Variants in ANKRD55 observed in about 807,000 individuals in gnomAD.
ANKRD55 encodes ankyrin repeat domain-containing protein 55.
Under a neutral mutation model 60.6 loss-of-function variants are expected in ANKRD55, and 41 were observed. The ratio of observed to expected loss-of-function variants is 0.68; its 90% CI spans 0.53 to 0.88. The LOEUF is 0.88. Among genes scored for constraint, ANKRD55 ranks in the 40% least tolerant of loss-of-function variants. The probability of loss-of-function intolerance (pLI) is 0.00; values close to 1 mark genes in which losing one functional copy is unlikely to be tolerated. For synonymous variants in ANKRD55, 264 were observed against 290.3 expected (o/e 0.91, Z 0.92); for missense variants, 732 against 767.6 (o/e 0.95, Z 0.55).
intron 2 of ANKRD55, among the ~76,000 whole-genome samples, chr5:56,224,566 A>G (rs1363468210): frequency 6.6e-6 from 1 of 152,176 alleles, no homozygotes; most frequent in Non-Finnish European, 1.5e-5. Context: ...TTTTGAAAAG[A>G]TCAACAAAAT....
At chr5:56,114,356 A>G (rs968040480) in intron 9 of ANKRD55, 1 of 152,468 alleles carries the variant, frequency 6.6e-6, no homozygotes, top group African/African-American at 2.4e-5. Context: ...AAATAAAATA[A>G]AACGAATACA....
At chr5:56,215,815 G>C (rs1057213383) in intron 2 of ANKRD55, among the ~76,000 whole-genome samples, 1 of 152,074 alleles carries the variant, frequency 6.6e-6, no homozygotes, top group African/African-American at 2.4e-5. Context: ...CACAGTGCCT[G>C]GTACATGGGA....
At chr5:56,119,715 A>G (rs1284794055) in intron 8 of ANKRD55, among the ~76,000 whole-genome samples, 3 of 152,138 alleles carry the variant, frequency 2.0e-5, no homozygotes, top group Admixed American at 2.0e-4. Context: ...GGAGTTCGAC[A>G]CCAGCCTGGG....
In ANKRD55 at chr5:56,132,545, C is replaced by T. The variant is rs561711654; in HGVS notation, c.613-5439G>A. Among the ~76,000 whole-genome samples the T allele has an allele frequency of 6.1e-5, 9 of 146,696 alleles. No individual in the cohort carries two copies. In the East Asian group the frequency reaches 8.0e-4, roughly 13 times the overall value. Reference sequence around the variant, plus strand: ...GGCGGAGCTTGCAGTGAGCAGAGATCGCGCCACTGCACTCCTGCCTGGGTG... The same window carrying T: ...GGCGGAGCTTGCAGTGAGCAGAGATTGCGCCACTGCACTCCTGCCTGGGTG... On this transcript the variant is annotated intron_variant, in intron 7 of 11. Coordinates refer to ENST00000341048, the MANE Select transcript of ANKRD55 (RefSeq NM_024669.3).
intron 5 of ANKRD55, among the ~76,000 whole-genome samples, chr5:56,160,528 C>T (rs1249583798): frequency 2.0e-5 from 3 of 152,190 alleles, no homozygotes; most frequent in Admixed American, 6.5e-5. Context: ...TGTGAGCCAC[C>T]GTGCCCGGCC....
At chr5:56,122,372 C>T (rs116440291) in intron 8 of ANKRD55, among the ~76,000 whole-genome samples, 2,076 of 152,198 alleles carry the variant, frequency 0.014, 39 homozygotes, top group Admixed American at 0.04. Context: ...TAAACTAGGC[C>T]AGGCACGGTG....
At chr5:56,218,881 C>A (rs951879586) in intron 2 of ANKRD55, among the ~76,000 whole-genome samples, 7 of 151,922 alleles carry the variant, frequency 4.6e-5, no homozygotes, top group African/African-American at 1.7e-4. Context: ...GCAAACGGGG[C>A]AAAATGTTAA....
intron 6 of ANKRD55, among the ~76,000 whole-genome samples, chr5:56,152,961 A>C (rs1452574554): frequency 1.3e-5 from 2 of 152,210 alleles, no homozygotes; most frequent in African/African-American, 4.8e-5. Flanking sequence ...TCAGATTTTT[A>C]CATTTCTGAA....
chr5:56,227,450 C>T (rs1249641163), intron 2 of ANKRD55, among the ~76,000 whole-genome samples: 1 of 152,048 alleles, frequency 6.6e-6, no homozygotes, highest in Non-Finnish European at 1.5e-5. Flanking sequence ...AACAAACCTA[C>T]ACACTGTGCA....
intron 2 of ANKRD55, among the ~76,000 whole-genome samples, chr5:56,190,196 G>A (rs1759061279): frequency 6.6e-6 from 1 of 152,174 alleles, no homozygotes; most frequent in South Asian, 2.1e-4. Context: ...TTGCTGGGTT[G>A]TAGGAGTTCT....
At chr5:56,131,893 G>C (rs570657387) in intron 7 of ANKRD55, among the ~76,000 whole-genome samples, 1 of 149,858 alleles carries the variant, frequency 6.7e-6, no homozygotes, top group South Asian at 2.1e-4. Flanking sequence ...AAAGAAGAAC[G>C]CTGAAGAAGG....
chr5:56,125,659 A>G (rs1204451388), intron 8 of ANKRD55: 1 of 152,230 alleles, frequency 6.6e-6, no homozygotes, highest in Admixed American at 6.5e-5. Flanking sequence ...AGACCTATGT[A>G]GAACTCCCCA....
chr5:56,131,593 C>G (rs561650490), intron 7 of ANKRD55, among the ~76,000 whole-genome samples: 2 of 151,548 alleles, frequency 1.3e-5, no homozygotes, highest in African/African-American at 4.9e-5. Context: ...ATCAGGAGTT[C>G]GAGACCAGCC....
At chr5:56,119,220 A>G (rs1194989319) in intron 8 of ANKRD55, among the ~76,000 whole-genome samples, 1 of 152,230 alleles carries the variant, frequency 6.6e-6, no homozygotes, top group African/African-American at 2.4e-5. Context: ...CTATTCCAGT[A>G]GTACTGGAAT....
At chr5:56,170,170 G>A (rs1423767783) in intron 5 of ANKRD55, among the ~76,000 whole-genome samples, 1 of 152,164 alleles carries the variant, frequency 6.6e-6, no homozygotes, top group African/African-American at 2.4e-5. Context: ...GCATGGCCCT[G>A]GGTTTAGACA....
intron 11 of ANKRD55, among the ~76,000 whole-genome samples, chr5:56,101,508 C>T (rs1756273356): frequency 6.6e-6 from 1 of 152,064 alleles, no homozygotes; most frequent in Non-Finnish European, 1.5e-5. Flanking sequence ...GACTCAGTGT[C>T]CTGTAGTTTT....
At position 56,133,770 on chromosome 5, in the gene ANKRD55, A is replaced by G. The variant is rs934313860; in HGVS notation, c.613-6664T>C. Among the ~76,000 whole-genome samples the G allele has an allele frequency of 4.6e-4, 53 of 115,042 alleles. 18 individuals carry two copies. Among genetic ancestry groups the G allele is most frequent in the Middle Eastern group, 8.8e-3 (2 of 226 alleles). The allele number at this position is 115,042 out of a possible 152,430, so 75.5% of individuals were successfully genotyped here. ...AAATACTTTGAACAAAAGGAAGATA[A>G]CATCAAAATTTGTGGGATGTAGCAA... On this transcript the variant is annotated intron_variant, in intron 7 of 11. Coordinates refer to ENST00000341048, the MANE Select transcript of ANKRD55 (RefSeq NM_024669.3).
Position 56,111,457 on chromosome 5 carries a change from G to T in ANKRD55, c.1291C>A (p.Pro431Thr). 6.2e-7 allele frequency: 1 copy of T among 1,614,190 alleles called. No individual in the cohort carries two copies. The highest frequency in any genetic ancestry group is 8.5e-7 in the Non-Finnish European group (1 of 1,180,020). The change falls in exon 10 of 12, where the codon CCA becomes ACA. Residue 431 changes from proline (P) to threonine (T), a missense_variant. By Grantham distance (38) the Pro-to-Thr change is conservative. This residue lies in a region of ANKRD55 where 597 missense variants were observed against 607.5 expected (regional missense o/e 0.98). Transcript: ENST00000341048. ...GGTGGGAGACTCTGCGTTCTGATTG[G>T]TGGAAGCCCCTTACGGGCCAGCGGT... is the stretch of plus-strand genomic sequence containing the variant. ...KKPLARKGLP[P>T]IRTQSLPPIT...
intron 3 of ANKRD55, among the ~76,000 whole-genome samples, chr5:56,176,998 T>C (rs970905440): frequency 2.0e-5 from 3 of 150,172 alleles, no homozygotes; most frequent in Admixed American, 2.0e-4. Context: ...GACTGGAGAT[T>C]GTGATTCTTC....
Sources: gnomAD v4.1 joint callset for allele counts (sites outside exome capture counted in the v4.1 genomes callset) on GRCh38, gnomAD v4.1.1 for gene constraint, gnomAD v4.1.1 regional missense constraint, MANE v1.5 for transcripts, NCBI Gene and HGNC (gene_info 2026-07-23, HGNC 2026-07-21) for gene names.